WDR88: variants seen among roughly 807,000 people sequenced by gnomAD.
The protein encoded by WDR88 is WD repeat-containing protein 88.
Under a neutral mutation model 46.8 loss-of-function variants are expected in WDR88, and 40 were observed. The ratio of observed to expected loss-of-function variants is 0.86; its 90% CI spans 0.66 to 1.11. The LOEUF is 1.11. WDR88 is among the 50% of genes most tolerant of loss of function. The pLI is 0.00. For missense variants in WDR88, 562 were observed against 602.4 expected (o/e 0.93, Z 0.70); for synonymous variants, 235 against 240.7 (o/e 0.98, Z 0.22).
intron 1 of WDR88, among the ~76,000 whole-genome samples, chr19:33,135,901 A>C (rs11672753): frequency 6.6e-6 from 1 of 150,754 alleles, no homozygotes; most frequent in Non-Finnish European, 1.5e-5. Context: ...CTTTTCTTTT[A>C]TTTTTTAAGA....
At chr19:33,137,875 C>T (rs1370324526) in intron 2 of WDR88, 88 bp downstream of exon 2, 3 of 1,111,046 alleles carry the variant, frequency 2.7e-6, no homozygotes, top group African/African-American at 1.6e-5. Context: ...GCACTGAACT[C>T]ACAGGCACTT....
intron 1 of WDR88, among the ~76,000 whole-genome samples, chr19:33,134,281 T>C (rs1217308818): frequency 1.3e-5 from 2 of 152,106 alleles, no homozygotes; most frequent in African/African-American, 4.8e-5. Flanking sequence ...CTAATGTTTT[T>C]CCATGATGGA....
At chr19:33,153,352 A>C (rs1167802954) in intron 6 of WDR88, among the ~76,000 whole-genome samples, 1 of 151,482 alleles carries the variant, frequency 6.6e-6, no homozygotes, top group East Asian at 1.9e-4. Flanking sequence ...GGTGTGAGCC[A>C]CTGCACCTGG....
At chr19:33,165,922 T>C (rs1267338450) in intron 9 of WDR88, among the ~76,000 whole-genome samples, 2 of 146,558 alleles carry the variant, frequency 1.4e-5, no homozygotes, top group Non-Finnish European at 3.0e-5. Flanking sequence ...AAAAAAAAAT[T>C]ATGTTTCTTT....
intron 3 of WDR88, among the ~76,000 whole-genome samples, chr19:33,146,500 TCCTTCCTC>T (rs1470300002): frequency 1.1e-3 from 147 of 131,596 alleles, no homozygotes; most frequent in African/African-American, 4.0e-3. Flanking sequence ...TCCTTCCCCT[TCCTTCCTC>T]CCTTCCTCCC....
chr19:33,141,802 T>G (rs1421043100), intron 2 of WDR88, among the ~76,000 whole-genome samples: 2 of 152,154 alleles, frequency 1.3e-5, no homozygotes, highest in African/African-American at 2.4e-5. Flanking sequence ...TGCCTCAGCC[T>G]CCCAAGTAGC....
chr19:33,134,706 C>T (rs1973215745), intron 1 of WDR88, among the ~76,000 whole-genome samples: 1 of 152,044 alleles, frequency 6.6e-6, no homozygotes, highest in African/African-American at 2.4e-5. Context: ...GCGAACTCCC[C>T]CGGAGAAAAG....
chr19:33,156,282 C>A, intron 6 of WDR88, 73 bp from the exon 7 acceptor site: 1 of 1,493,576 alleles, frequency 6.7e-7, no homozygotes, highest in Non-Finnish European at 9.1e-7. Flanking sequence ...GAAAATACCC[C>A]CGGCTTTAGG....
Position 33,156,257 on chromosome 19 carries a change from C to G in WDR88, c.810-98C>G. 3.1e-6 allele frequency: 4 copies of G among 1,298,248 alleles called. No homozygotes were observed. The South Asian group carries it at 4.2e-5, about 14-fold the overall frequency. The allele number at this position is 1,298,248 out of a possible 1,614,324, so 80.4% of individuals were successfully genotyped here. Reference sequence around the variant, plus strand: ...GAAGTGCTAGCATGTGCAGCCCGACCATGAGCTCACAGGAGAAAATACCCC... The same window carrying G: ...GAAGTGCTAGCATGTGCAGCCCGACGATGAGCTCACAGGAGAAAATACCCC... On this transcript the variant is annotated intron_variant, in intron 6 of 10. Transcript: ENST00000355868.
chr19:33,146,464 TTTCCTTCC>T (rs58822460), intron 3 of WDR88, among the ~76,000 whole-genome samples: 65,124 of 108,116 alleles, frequency 0.6, 18,374 homozygotes, highest in Non-Finnish European at 0.72. Context: ...TCCTTCCTTC[TTTCCTTCC>T]TTCCTTCCTT....
chr19:33,162,837 G>A (rs1048744702), intron 8 of WDR88, among the ~76,000 whole-genome samples: 1 of 151,600 alleles, frequency 6.6e-6, no homozygotes, highest in African/African-American at 2.4e-5. Flanking sequence ...AGCTATGATT[G>A]AGCTGCTACA....
At chr19:33,164,301 C>T (rs746971871) in intron 9 of WDR88, 36 bp downstream of exon 9, 26 of 1,590,138 alleles carry the variant, frequency 1.6e-5, no homozygotes, top group East Asian at 4.5e-5. Flanking sequence ...CGATCACGTT[C>T]GCCAGGATTG....
At chr19:33,141,968 A>G (rs2145370593) in intron 2 of WDR88, among the ~76,000 whole-genome samples, 1 of 152,366 alleles carries the variant, frequency 6.6e-6, no homozygotes, top group Non-Finnish European at 1.5e-5. Flanking sequence ...GGCATGAGCC[A>G]CTGCACCTAG....
In WDR88 at chr19:33,132,162, G is replaced by A. The variant is rs754355562; in HGVS notation, c.-8G>A. On this transcript the variant is annotated 5_prime_UTR_variant, in exon 1 of 11. Coordinates refer to ENST00000355868, the MANE Select transcript of WDR88 (RefSeq NM_173479.4). ...TTGTCGGCGGCCACCGGCGGACCGG[G>A]CTTCGAGATGGCCTCCCCGCCGCGG... 5 of 1,581,232 alleles carry A rather than the reference G, an allele frequency of 3.2e-6. No homozygotes were observed. Among genetic ancestry groups the A allele is most frequent in the African/African-American group, 1.3e-5 (1 of 74,346 alleles).
At position 33,164,291 on chromosome 19, in the gene WDR88, C is replaced by T. The variant is rs377335930; in HGVS notation, c.1149+26C>T. 1.2e-4 allele frequency: 191 copies of T among 1,602,066 alleles called. 11 individuals are homozygous for T. Among genetic ancestry groups the T allele is most frequent in the East Asian group, 8.7e-4 (39 of 44,806 alleles). On this transcript the variant is annotated intron_variant, in intron 9 of 10. Transcript: ENST00000355868. Reference sequence around the variant, plus strand: ...GTAAAAGTGGTCAAGCTTACAATATCGATCACGTTCGCCAGGATTGGTGAT... The same window carrying T: ...GTAAAAGTGGTCAAGCTTACAATATTGATCACGTTCGCCAGGATTGGTGAT...
intron 3 of WDR88, among the ~76,000 whole-genome samples, chr19:33,145,445 TG>T (rs1377377458): frequency 2.0e-5 from 3 of 152,012 alleles, no homozygotes; most frequent in African/African-American, 7.2e-5. Flanking sequence ...CCACTGTACC[TG>T]GCCTGTTTTG....
At position 33,144,922 on chromosome 19, in the gene WDR88, G is replaced by T. The variant is rs148478015; in HGVS notation, c.466G>T (p.Asp156Tyr). 1.1e-5 allele frequency: 17 copies of T among 1,613,212 alleles called. No homozygotes were observed. The Admixed American group carries it at 1.8e-4, about 17-fold the overall frequency. The change falls in exon 3 of 11, where the codon GAC (aspartate) becomes TAC (tyrosine). Residue 156 changes from aspartate to tyrosine, a missense_variant. Coordinates refer to ENST00000355868, the MANE Select transcript of WDR88 (RefSeq NM_173479.4). ...APVVECSITGDSSRVIAASYD... is the reference protein window; with the variant it reads ...APVVECSITGYSSRVIAASYD... Reference sequence around the variant, plus strand: ...TGTTGTAGAGTGCAGCATCACCGGCGACAGCAGCAGGTGACCTTTCCCTCG... The same window carrying T: ...TGTTGTAGAGTGCAGCATCACCGGCTACAGCAGCAGGTGACCTTTCCCTCG...
At chr19:33,173,579 G>A (rs1435779834) in intron 10 of WDR88, among the ~76,000 whole-genome samples, 5 of 152,256 alleles carry the variant, frequency 3.3e-5, no homozygotes, top group Non-Finnish European at 5.9e-5. Flanking sequence ...CAGAAGGTTC[G>A]GCTGGGAGCC....
intron 5 of WDR88, among the ~76,000 whole-genome samples, chr19:33,149,329 CAAACAAACAAACAAA>C (rs1464885550): frequency 6.6e-6 from 1 of 150,524 alleles, no homozygotes; most frequent in Non-Finnish European, 1.5e-5. Flanking sequence ...CTCAAAAAAA[CAAACAAACAAACAAA>C]AAACAAACAA....
Sources: allele counts gnomAD v4.1 joint callset (sites outside exome capture counted in the v4.1 genomes callset), GRCh38; gene constraint gnomAD v4.1.1; transcripts MANE v1.5; gene names NCBI Gene and HGNC (gene_info 2026-07-23, HGNC 2026-07-21).